Variants in NR2F1-AS1 observed in about 807,000 individuals in gnomAD.
The protein encoded by NR2F1-AS1 is NR2F1 antisense RNA 1.
At chr5:93,556,197 A>G (rs1298052561) in intron 2 of NR2F1-AS1, among the ~76,000 whole-genome samples, 1 of 152,146 alleles carries the variant, frequency 6.6e-6, no homozygotes. Context: ...CACTTATCTC[A>G]AACACGCATT....
intron 4 of NR2F1-AS1, among the ~76,000 whole-genome samples, chr5:93,433,746 T>A (rs935504357): frequency 6.6e-6 from 1 of 152,134 alleles, no homozygotes; most frequent in Non-Finnish European, 1.5e-5. Context: ...TCCTCTAGTT[T>A]TAAAAGTCAC....
intron 4 of NR2F1-AS1, among the ~76,000 whole-genome samples, chr5:93,427,834 G>A (rs916012487): frequency 1.3e-5 from 2 of 151,876 alleles, no homozygotes; most frequent in Admixed American, 1.3e-4. Flanking sequence ...CAAAATTCTA[G>A]GTAAGTTCAT....
intron 4 of NR2F1-AS1, among the ~76,000 whole-genome samples, chr5:93,528,322 A>G (rs938720280): frequency 6.6e-6 from 1 of 152,226 alleles, no homozygotes; most frequent in Non-Finnish European, 1.5e-5. Flanking sequence ...CTAAAAAAAG[A>G]GAAATACAAA....
intron 4 of NR2F1-AS1, among the ~76,000 whole-genome samples, chr5:93,411,756 T>C (rs1431280553): frequency 6.6e-6 from 1 of 152,086 alleles, no homozygotes; most frequent in Non-Finnish European, 1.5e-5. Context: ...CATACCTGCA[T>C]ATTTGGAAAA....
intron 4 of NR2F1-AS1, among the ~76,000 whole-genome samples, chr5:93,534,805 T>G (rs1177934667): frequency 6.6e-6 from 1 of 152,128 alleles, no homozygotes; most frequent in East Asian, 1.9e-4. Flanking sequence ...TTGGTCCACC[T>G]CCTATGAACA....
intron 4 of NR2F1-AS1, among the ~76,000 whole-genome samples, chr5:93,486,294 G>C (rs933179229): frequency 1.3e-5 from 2 of 150,252 alleles, no homozygotes; most frequent in East Asian, 3.9e-4. Flanking sequence ...TTTTAAAAAA[G>C]TCAGTGAATC....
chr5:93,435,036 G>C (rs1749405064), intron 4 of NR2F1-AS1, among the ~76,000 whole-genome samples: 1 of 152,084 alleles, frequency 6.6e-6, no homozygotes, highest in Admixed American at 6.6e-5. Context: ...TTTATGCTTT[G>C]TAAGTAAAAA....
At chr5:93,450,168 A>T (rs1431282035) in intron 4 of NR2F1-AS1, among the ~76,000 whole-genome samples, 4 of 152,180 alleles carry the variant, frequency 2.6e-5, no homozygotes, top group Non-Finnish European at 5.9e-5. Flanking sequence ...CACTTGCTGA[A>T]TGTTTTAATA....
At chr5:93,469,779 A>C (rs1248783454) in intron 4 of NR2F1-AS1, among the ~76,000 whole-genome samples, 1 of 152,058 alleles carries the variant, frequency 6.6e-6, no homozygotes. Context: ...GTTATTGTGG[A>C]TATAGCTAGC....
intron 4 of NR2F1-AS1, among the ~76,000 whole-genome samples, chr5:93,490,882 T>C (rs563065884): frequency 7.0e-6 from 1 of 142,856 alleles, no homozygotes; most frequent in African/African-American, 2.7e-5. Flanking sequence ...GTGGTGTTGA[T>C]AGTCATTGTG....
At chr5:93,577,996 T>C (rs532229770) in intron 1 of NR2F1-AS1, among the ~76,000 whole-genome samples, 17 of 152,340 alleles carry the variant, frequency 1.1e-4, no homozygotes, top group African/African-American at 3.4e-4. Flanking sequence ...GCCACTTTTG[T>C]TCAGTGTGAC....
intron 4 of NR2F1-AS1, among the ~76,000 whole-genome samples, chr5:93,462,787 C>T (rs2149864473): frequency 6.6e-6 from 1 of 152,296 alleles, no homozygotes; most frequent in South Asian, 2.1e-4. Flanking sequence ...CATTTAGCCA[C>T]TGCCACCAGA....
chr5:93,524,865 C>T (rs999559280), intron 4 of NR2F1-AS1, among the ~76,000 whole-genome samples: 2 of 152,112 alleles, frequency 1.3e-5, no homozygotes, highest in African/African-American at 4.8e-5. Context: ...AAGCACTAAA[C>T]ATGGTAAGGA....
chr5:93,430,790 T>C (rs1319685412), intron 4 of NR2F1-AS1, among the ~76,000 whole-genome samples: 2 of 152,172 alleles, frequency 1.3e-5, no homozygotes, highest in African/African-American at 4.8e-5. Context: ...CTGTCAGTTC[T>C]GCCAAATCTA....
chr5:93,571,320 A>C (rs1268430755), intron 1 of NR2F1-AS1: 1 of 151,674 alleles, frequency 6.6e-6, no homozygotes, highest in South Asian at 2.1e-4. Flanking sequence ...ATCCCTGAGG[A>C]CCAGACCACG....
intron 4 of NR2F1-AS1, among the ~76,000 whole-genome samples, chr5:93,527,206 G>A (rs1161010601): frequency 6.6e-6 from 1 of 151,612 alleles, no homozygotes; most frequent in African/African-American, 2.4e-5. Context: ...ATCAATAATA[G>A]ACAGACAGAG....
chr5:93,492,958 G>A (rs771614738), intron 4 of NR2F1-AS1, among the ~76,000 whole-genome samples: 1 of 151,908 alleles, frequency 6.6e-6, no homozygotes, highest in South Asian at 2.1e-4. Flanking sequence ...AAGAATGAAA[G>A]CTTTCCCCTA....
chr5:93,456,851 T>C (rs986370654), intron 4 of NR2F1-AS1, among the ~76,000 whole-genome samples: 1 of 151,284 alleles, frequency 6.6e-6, no homozygotes, highest in Non-Finnish European at 1.5e-5. Context: ...GGGGAGAGGG[T>C]CAGCAGGAAA....
chr5:93,507,992 C>T (rs962511037), intron 4 of NR2F1-AS1, among the ~76,000 whole-genome samples: 6 of 152,074 alleles, frequency 3.9e-5, no homozygotes, highest in Non-Finnish European at 8.8e-5. Flanking sequence ...TGAATGGGAA[C>T]ATATACCATG....
Sources: allele counts gnomAD v4.1 joint callset (sites outside exome capture counted in the v4.1 genomes callset), GRCh38; gene constraint gnomAD v4.1.1; transcripts MANE v1.5; gene names NCBI Gene and HGNC (gene_info 2026-07-23, HGNC 2026-07-21).